KLKB1: variants seen among roughly 807,000 people sequenced by gnomAD.
KLKB1 encodes the protein kallikrein B1.
KLKB1 carries 58 observed loss-of-function variants against 73.6 expected under a neutral mutation model. That is an observed-to-expected ratio of 0.79 (90% CI 0.64 to 0.98). The LOEUF is 0.98. Ranked by LOEUF, KLKB1 falls within the 50% of genes least tolerant of loss-of-function variation. KLKB1 has a pLI of 0.00. For synonymous variants in KLKB1, 280 were observed against 258.1 expected (o/e 1.08, Z -0.81); for missense variants, 737 against 763.8 (o/e 0.96, Z 0.41).
At chr4:186,248,704 G>T (rs145915618) in intron 6 of KLKB1, among the ~76,000 whole-genome samples, 144 of 144,112 alleles carry the variant, frequency 1.0e-3, no homozygotes, top group African/African-American at 3.4e-3. Flanking sequence ...GATTAAAATT[G>T]CTGGATCACA....
At position 186,257,744 on chromosome 4, in the gene KLKB1, AGTGTGTGTGT is replaced by A. The variant is rs67371055; in HGVS notation, c.1726-250_1726-241del. Among the ~76,000 whole-genome samples, 139 of 147,210 alleles carry A rather than the reference AGTGTGTGTGT, an allele frequency of 9.4e-4. 1 individual carries two copies. The highest frequency in any genetic ancestry group is 3.0e-3 in the African/African-American group (119 of 39,702). On this transcript the variant is annotated intron_variant, in intron 14 of 14. Transcript: ENST00000264690. ...ACTTGGAGAACTTTAAGAAAGAGTG[AGTGTGTGTGT>A]GTGTGTGTGTGTGTGTGTGTGTGTG...
chr4:186,241,965 C>T (rs751288639), intron 6 of KLKB1, among the ~76,000 whole-genome samples: 6 of 152,180 alleles, frequency 3.9e-5, no homozygotes, highest in Admixed American at 1.3e-4. Flanking sequence ...ATGTCATGTG[C>T]GTCCGTGTGA....
chr4:186,238,677 A>G (rs1737837365), intron 6 of KLKB1, among the ~76,000 whole-genome samples: 1 of 152,222 alleles, frequency 6.6e-6, no homozygotes, highest in African/African-American at 2.4e-5. Flanking sequence ...CCGTGAGCCA[A>G]GGAATGCAGG....
chr4:186,232,032 TAGTC>T (rs1249426904), intron 2 of KLKB1, 91 bp from the exon 3 acceptor site: 16 of 932,010 alleles, frequency 1.7e-5, no homozygotes, highest in Non-Finnish European at 2.4e-5. Context: ...GGTCTTTGAG[TAGTC>T]AGTCAGTGGG....
chr4:186,252,078 G>A lies in KLKB1; in HGVS notation c.1206G>A (p.Trp402Ter), dbSNP rs1307867642. Residue 402 changes from tryptophan (W) to a stop codon, truncating the protein, a stop_gained, in exon 11 of 15, where the codon TGG becomes TGA. Transcript: ENST00000264690. LOFTEE classifies it high-confidence loss of function. ...GAACAAACTCTTCTTGGGGAGAGTGGCCCTGGCAGGTGAGCCTGCAGGTGA... is the reference window on the plus strand; with the variant it reads ...GAACAAACTCTTCTTGGGGAGAGTGACCCTGGCAGGTGAGCCTGCAGGTGA... ...VGGTNSSWGE[W>*]PWQVSLQVKL... The A allele has an allele frequency of 6.2e-7, 1 of 1,613,932 alleles. No individual in the cohort carries two copies. The highest frequency in any genetic ancestry group is 8.5e-7 in the Non-Finnish European group (1 of 1,180,026).
intron 2 of KLKB1, among the ~76,000 whole-genome samples, chr4:186,221,180 G>T (rs1737024993): frequency 6.6e-6 from 1 of 150,840 alleles, no homozygotes; most frequent in African/African-American, 2.4e-5. Context: ...TTTTATTTGA[G>T]TTTTTTTTCT....
rs772604183 is a variant in KLKB1, at chr4:186,236,893, C to T, written c.441C>T (p.Cys147=). 4.3e-6 allele frequency: 7 copies of T among 1,613,960 alleles called. No individual in the cohort carries two copies. The highest frequency in any genetic ancestry group is 5.9e-6 in the Non-Finnish European group (7 of 1,179,992). The change falls in exon 5 of 15, where the codon TGC becomes TGT. Residue 147 remains cysteine (C), a synonymous_variant. Coordinates refer to ENST00000264690, the MANE Select transcript of KLKB1 (RefSeq NM_000892.5). ...AAAGGTGCACCAGTAACATTCGCTG[C>T]CAGTTTTTTTCATATGCCACGCAAA... ...CQKRCTSNIR[C]QFFSYATQTF...
intron 6 of KLKB1, 38 bp downstream of exon 6, chr4:186,238,403 G>T: frequency 7.1e-7 from 1 of 1,405,524 alleles, no homozygotes; most frequent in African/African-American, 1.4e-5. Context: ...ATTGTGGTAG[G>T]TGGAATAGGA....
intron 2 of KLKB1, among the ~76,000 whole-genome samples, chr4:186,215,307 A>G (rs940844816): frequency 7.3e-6 from 1 of 136,302 alleles, no homozygotes; most frequent in Non-Finnish European, 1.6e-5. Flanking sequence ...GAAGGAGAGT[A>G]GCCTTTCTTT....
In KLKB1 at chr4:186,248,595, A is replaced by ATTTTTTTTTTTTTTTTTTTTTTTTTTT. The variant is rs138717531; in HGVS notation, c.599-1629_599-1628insTTTTTTTTTTTTTTTTTTTTTTTTTTT. On this transcript the variant is annotated intron_variant, in intron 6 of 14. Transcript: ENST00000264690. Reference sequence around the variant, plus strand: ...TGATGAACATTTGAGTTGTTTCTGGATTTTTTTTTTTTTTTTTTTGCCTCT... The same window carrying ATTTTTTTTTTTTTTTTTTTTTTTTTTT: ...TGATGAACATTTGAGTTGTTTCTGGATTTTTTTTTTTTTTTTTTTTTTTTTTTTTTTTTTTTTTTTTTTTTTGCCTCT... Among the ~76,000 whole-genome samples the ATTTTTTTTTTTTTTTTTTTTTTTTTTT allele has an allele frequency of 4.4e-5, 5 of 114,920 alleles. 1 individual carries two copies. Among genetic ancestry groups the ATTTTTTTTTTTTTTTTTTTTTTTTTTT allele is most frequent in the African/African-American group, 7.1e-5 (2 of 27,982 alleles). 75.4% of individuals were successfully genotyped at this position (114,920 alleles called of 152,430 possible).
rs1413048155 is a variant in KLKB1, at chr4:186,251,860, T to G, written c.1143T>G (p.Ser381=). ...SLRLCNTGDN[S]VCTTKTSTRI... ...GATTGTGTAACACTGGGGACAACTCTGGTGAGTAACCTCACTTTTTCGTGG... is the reference window on the plus strand; with the variant it reads ...GATTGTGTAACACTGGGGACAACTCGGGTGAGTAACCTCACTTTTTCGTGG... Residue 381 remains serine (S), a splice_region_variant and synonymous_variant, in exon 10 of 15, where the codon TCT becomes TCG. Transcript: ENST00000264690. 6.2e-7 allele frequency: 1 copy of G among 1,609,872 alleles called. No individual in the cohort carries two copies. Among genetic ancestry groups the G allele is most frequent in the African/African-American group, 1.3e-5 (1 of 74,872 alleles).
intron 6 of KLKB1, among the ~76,000 whole-genome samples, chr4:186,245,823 GGT>G (rs1738311550): frequency 2.1e-5 from 1 of 48,600 alleles, no homozygotes; most frequent in Non-Finnish European, 5.8e-5. Context: ...TTTGTTTTTT[GGT>G]TTTTTTTTTT....
At chr4:186,213,218 A>G (rs892508038) in intron 2 of KLKB1, 7 of 152,236 alleles carry the variant, frequency 4.6e-5, no homozygotes, top group African/African-American at 9.6e-5. Flanking sequence ...AAATTATTTC[A>G]TATGCTACAG....
chr4:186,237,083 A>T lies in KLKB1; in HGVS notation c.488+143A>T, dbSNP rs945195119. The T allele has an allele frequency of 5.7e-6, 4 of 696,078 alleles. No individual in the cohort carries two copies. In the African/African-American group the frequency reaches 7.3e-5, roughly 13 times the overall value. The allele number at this position is 696,078 out of a possible 1,614,324, so 43.1% of individuals were successfully genotyped here. A position where few individuals can be genotyped will look rare whatever the true frequency, so the allele number is the denominator to read the frequency against. Reference sequence around the variant, plus strand: ...TTTCCTCATTTACTTACTCTATTTTATTTTTTTATCTTTTATTTATTTATT... The same window carrying T: ...TTTCCTCATTTACTTACTCTATTTTTTTTTTTTATCTTTTATTTATTTATT... On this transcript the variant is annotated intron_variant, in intron 5 of 14. Transcript: ENST00000264690.
intron 2 of KLKB1, among the ~76,000 whole-genome samples, chr4:186,229,157 C>A (rs539689233): frequency 6.6e-6 from 1 of 152,162 alleles, no homozygotes; most frequent in Non-Finnish European, 1.5e-5. Flanking sequence ...GAGCATAAGC[C>A]AGAGACACTG....
At chr4:186,213,658 T>C (rs914048287) in intron 2 of KLKB1, among the ~76,000 whole-genome samples, 15 of 152,206 alleles carry the variant, frequency 9.9e-5, no homozygotes, top group African/African-American at 3.4e-4. Context: ...GTCCCAGGGA[T>C]TTAGAGTCCA....
At position 186,228,255 on chromosome 4, in the gene KLKB1, T is replaced by C; in HGVS notation, c.58+2T>C. The C allele has an allele frequency of 1.3e-6, 2 of 1,579,880 alleles. No homozygotes were observed. Among genetic ancestry groups the C allele is most frequent in the Middle Eastern group, 1.7e-4 (1 of 6,002 alleles). On this transcript the variant is annotated splice_donor_variant, in intron 2 of 14. Coordinates refer to ENST00000264690, the MANE Select transcript of KLKB1 (RefSeq NM_000892.5). LOFTEE classifies it high-confidence loss of function. The stretch of plus-strand genomic sequence containing the variant: ...CCTTGTTTGCTACAGTTTCCTGTGG[T>C]AAGTGAATTATCTATAAAACATGGA...
chr4:186,251,175 G>A (rs752514661), intron 7 of KLKB1, 44 bp from the exon 8 acceptor site: 3 of 1,345,782 alleles, frequency 2.2e-6, no homozygotes, highest in Middle Eastern at 3.8e-4. Context: ...TGCCTTTAAT[G>A]CAAATTTCTT....
At position 186,257,281 on chromosome 4, in the gene KLKB1, A is replaced by G. The variant is rs1739050318; in HGVS notation, c.1641A>G (p.Glu547=). The change falls in exon 14 of 15, where the codon GAA becomes GAG. Residue 547 remains glutamate, a synonymous_variant. Coordinates refer to ENST00000264690, the MANE Select transcript of KLKB1 (RefSeq NM_000892.5). The part of the protein sequence containing the change: ...KVNIPLVTNE[E]CQKRYQDYKI... The stretch of plus-strand genomic sequence containing the variant: ...ATATTCCTTTGGTAACAAATGAAGA[A>G]TGCCAGAAAAGATATCAAGATTATA... 6.2e-7 allele frequency: 1 copy of G among 1,602,868 alleles called. No individual in the cohort carries two copies. The highest frequency in any genetic ancestry group is 2.2e-5 in the East Asian group (1 of 44,464).
Sources: gnomAD v4.1 joint callset for allele counts (sites outside exome capture counted in the v4.1 genomes callset) on GRCh38, gnomAD v4.1.1 for gene constraint, MANE v1.5 for transcripts, NCBI Gene and HGNC (gene_info 2026-07-23, HGNC 2026-07-21) for gene names.